MGAT4C: variants seen among roughly 807,000 people sequenced by gnomAD.
MGAT4C encodes MGAT4 family member C.
In MGAT4C, 19 loss-of-function variants were observed where a neutral mutation model predicts 40.1. The observed-to-expected ratio is 0.47, with a 90% CI of 0.33 to 0.70. MGAT4C has a LOEUF of 0.70. Among genes scored for constraint, MGAT4C ranks in the 30% least tolerant of loss-of-function variants. The probability of loss-of-function intolerance (pLI) is 0.02; values close to 1 mark genes in which losing one functional copy is unlikely to be tolerated. For missense variants in MGAT4C, 491 were observed against 563.2 expected (o/e 0.87, Z 1.30); for synonymous variants, 181 against 187.1 (o/e 0.97, Z 0.27).
chr12:86,679,784 A>G lies in MGAT4C; in HGVS notation c.-229+47425T>C, dbSNP rs111884093. Among the ~76,000 whole-genome samples the G allele has an allele frequency of 3.1e-3, 479 of 152,202 alleles. 1 individual carries two copies. Among genetic ancestry groups the G allele is most frequent in the African/African-American group, 0.011 (463 of 41,558 alleles). ...CAAATTAGCTGTAGTCTTCATCTTG[A>G]TCTTCTCAGCCTCCACAACTGTAAG... On this transcript the variant is annotated intron_variant, in intron 2 of 7. Coordinates refer to the MGAT4C transcript ENST00000548651.
chr12:86,610,686 A>G (rs952810313), intron 2 of MGAT4C, among the ~76,000 whole-genome samples: 4 of 151,232 alleles, frequency 2.6e-5, no homozygotes, highest in Admixed American at 6.6e-5. Context: ...TGCTGCACCC[A>G]TTAACTCGTC....
rs1882870860 is a variant in MGAT4C, at chr12:85,957,657, C to CAAAAAAAAAAAAAAAGAAA, written c.*21631_*21632insTTTCTTTTTTTTTTTTTTT. ...TTTACTGTAGAGTTGAATAAGAAAG[C>CAAAAAAAAAAAAAAAGAAA]AAAAAAAAAAAAAAAAGAAAAAAGA... On this transcript the variant is annotated 3_prime_UTR_variant, in exon 5 of 5. Coordinates refer to ENST00000611864, the MANE Select transcript of MGAT4C (RefSeq NM_001351288.2). 3.0e-5 allele frequency: 3 copies of CAAAAAAAAAAAAAAAGAAA among 101,306 alleles called. No individual in the cohort carries two copies. Among genetic ancestry groups the CAAAAAAAAAAAAAAAGAAA allele is most frequent in the Admixed American group, 1.1e-4 (1 of 9,394 alleles). The allele number at this position is 101,306 out of a possible 1,614,324, so 6.3% of individuals were successfully genotyped here. A position where few individuals can be genotyped will look rare whatever the true frequency, so the allele number is the denominator to read the frequency against.
intron 1 of MGAT4C, among the ~76,000 whole-genome samples, chr12:86,796,777 G>A (rs966248161): frequency 3.3e-5 from 5 of 151,750 alleles, no homozygotes; most frequent in African/African-American, 1.2e-4. Flanking sequence ...AAAACATCAT[G>A]GATGTAAGTG....
At position 86,134,330 on chromosome 12, in the gene MGAT4C, A is replaced by G. The variant is rs57849260; in HGVS notation, c.-56-84607T>C. Reference sequence around the variant, plus strand: ...ACTATATACATTTCTTACTATCTATATTCACTTCAAAATTTTAGCTAATAT... The same window carrying G: ...ACTATATACATTTCTTACTATCTATGTTCACTTCAAAATTTTAGCTAATAT... On this transcript the variant is annotated intron_variant, in intron 1 of 4. Coordinates refer to ENST00000611864, the MANE Select transcript of MGAT4C (RefSeq NM_001351288.2). 7.7e-3 allele frequency among the ~76,000 whole-genome samples: 1,176 copies of G among 152,206 alleles called. 49 individuals carry two copies. The East Asian group carries it at 0.095, about 12-fold the overall frequency.
chr12:86,538,235 C>A (rs2136381562), intron 2 of MGAT4C, among the ~76,000 whole-genome samples: 1 of 152,280 alleles, frequency 6.6e-6, no homozygotes, highest in East Asian at 1.9e-4. Context: ...TATAGACAGC[C>A]AGGATGGCAT....
chr12:86,589,984 T>C (rs948465938), intron 2 of MGAT4C, among the ~76,000 whole-genome samples: 19 of 152,054 alleles, frequency 1.2e-4, no homozygotes, highest in African/African-American at 3.6e-4. Context: ...AACATTATTG[T>C]AGAGAACTTC....
At chr12:86,467,260 T>C (rs911728236) in intron 2 of MGAT4C, among the ~76,000 whole-genome samples, 4 of 152,080 alleles carry the variant, frequency 2.6e-5, no homozygotes, top group Non-Finnish European at 5.9e-5. Flanking sequence ...TATGTACATG[T>C]TTGTGAGAGT....
chr12:86,200,635 A>G (rs1430198401), intron 1 of MGAT4C, among the ~76,000 whole-genome samples: 1 of 152,058 alleles, frequency 6.6e-6, no homozygotes, highest in East Asian at 1.9e-4. Context: ...TTATGTTCTT[A>G]CGGGACATTT....
At chr12:86,040,742 A>C (rs188129905) in intron 2 of MGAT4C, among the ~76,000 whole-genome samples, 2,205 of 151,860 alleles carry the variant, frequency 0.015, 47 homozygotes, top group East Asian at 0.078. Flanking sequence ...AACAAACAAA[A>C]AAAAAACTCC....
At chr12:86,667,968 GAATA>G (rs1300620728) in intron 2 of MGAT4C, among the ~76,000 whole-genome samples, 1 of 152,146 alleles carries the variant, frequency 6.6e-6, no homozygotes. Context: ...TTGTTTCTAA[GAATA>G]AATAGCATCA....
chr12:86,467,886 A>G (rs928167228), intron 2 of MGAT4C, among the ~76,000 whole-genome samples: 6 of 152,128 alleles, frequency 3.9e-5, no homozygotes, highest in African/African-American at 1.4e-4. Context: ...TGGTAGATTG[A>G]CAAATATCAA....
chr12:86,115,517 TC>T (rs1002426750), intron 1 of MGAT4C, among the ~76,000 whole-genome samples: 11 of 152,068 alleles, frequency 7.2e-5, no homozygotes, highest in African/African-American at 2.7e-4. Context: ...TGTTAAGGCT[TC>T]AATTGATTAT....
chr12:86,529,583 T>A (rs1441967165), intron 2 of MGAT4C, among the ~76,000 whole-genome samples: 1 of 152,090 alleles, frequency 6.6e-6, no homozygotes, highest in African/African-American at 2.4e-5. Flanking sequence ...TTAAATGATA[T>A]CTCTGTTATA....
At chr12:86,282,469 G>A (rs571471564) in intron 4 of MGAT4C, among the ~76,000 whole-genome samples, 89 of 151,714 alleles carry the variant, frequency 5.9e-4, no homozygotes, top group Middle Eastern at 3.4e-3. Flanking sequence ...GTTTCTTTTT[G>A]TTAATTTACT....
At chr12:86,244,068 A>G (rs543912336) in intron 1 of MGAT4C, among the ~76,000 whole-genome samples, 2 of 152,318 alleles carry the variant, frequency 1.3e-5, no homozygotes, top group East Asian at 3.9e-4. Flanking sequence ...TTAAGATGAA[A>G]GAAATGCAAG....
At chr12:85,989,125 T>A (rs1438512798) in intron 3 of MGAT4C, among the ~76,000 whole-genome samples, 1 of 152,056 alleles carries the variant, frequency 6.6e-6, no homozygotes, top group Non-Finnish European at 1.5e-5. Context: ...CTCCACATAT[T>A]TATTCTGCAT....
At chr12:86,564,692 C>T (rs1226806303) in intron 2 of MGAT4C, among the ~76,000 whole-genome samples, 2 of 152,168 alleles carry the variant, frequency 1.3e-5, no homozygotes, top group African/African-American at 2.4e-5. Context: ...ATTTGCCCCT[C>T]GTACAATCAA....
At chr12:86,204,491 A>G (rs1374466099) in intron 1 of MGAT4C, among the ~76,000 whole-genome samples, 1 of 152,180 alleles carries the variant, frequency 6.6e-6, no homozygotes, top group Non-Finnish European at 1.5e-5. Flanking sequence ...ATTGATAGAC[A>G]TATTATAAAA....
At chr12:86,583,361 A>G (rs562497767) in intron 2 of MGAT4C, among the ~76,000 whole-genome samples, 2 of 151,334 alleles carry the variant, frequency 1.3e-5, no homozygotes, top group African/African-American at 4.8e-5. Flanking sequence ...ATATTCAATG[A>G]CTTTTCTCAA....
Sources: gnomAD v4.1 joint callset for allele counts (sites outside exome capture counted in the v4.1 genomes callset) on GRCh38, gnomAD v4.1.1 for gene constraint, MANE v1.5 for transcripts, NCBI Gene and HGNC (gene_info 2026-07-23, HGNC 2026-07-21) for gene names.